Variants in ASB5 observed in about 807,000 individuals in gnomAD.
ASB5 encodes the protein ankyrin repeat and SOCS box containing 5, also known as ankyrin repeat and SOCS box protein 5.
In ASB5, 45 loss-of-function variants were observed where a neutral mutation model predicts 42.1. The observed-to-expected ratio is 1.07, with a 90% CI of 0.84 to 1.37. The LOEUF is 1.37. Ranked by LOEUF, ASB5 falls within the 40% of genes most tolerant of loss-of-function variation. The pLI is 0.00. For missense variants in ASB5, 402 were observed against 399.8 expected, an observed-to-expected ratio of 1.01 and a Z score of -0.05; for synonymous variants, 147 against 150.6, an observed-to-expected ratio of 0.98 and a Z score of 0.18.
intron 1 of ASB5, among the ~76,000 whole-genome samples, chr4:176,256,205 CT>C (rs1162577857): frequency 1.3e-5 from 2 of 152,150 alleles, no homozygotes; most frequent in Non-Finnish European, 2.9e-5. Flanking sequence ...AGATTCACAC[CT>C]GCCTACATCA....
At chr4:176,237,811 A>G (rs1055916813) in intron 1 of ASB5, among the ~76,000 whole-genome samples, 9 of 152,248 alleles carry the variant, frequency 5.9e-5, no homozygotes, top group African/African-American at 2.2e-4. Flanking sequence ...CTACAAATCA[A>G]TCAAATGTAA....
At chr4:176,218,049 T>C (rs1408979838) in intron 5 of ASB5, among the ~76,000 whole-genome samples, 1 of 150,362 alleles carries the variant, frequency 6.7e-6, no homozygotes, top group Non-Finnish European at 1.5e-5. Flanking sequence ...GCATAAACTT[T>C]GTTGGTTATG....
chr4:176,249,832 G>A (rs1330465716), intron 1 of ASB5, among the ~76,000 whole-genome samples: 2 of 152,016 alleles, frequency 1.3e-5, no homozygotes, highest in African/African-American at 4.8e-5. Flanking sequence ...TTGGGAGGCC[G>A]AGGCGGGTGG....
intron 1 of ASB5, among the ~76,000 whole-genome samples, chr4:176,267,478 G>A (rs1307109779): frequency 6.6e-6 from 1 of 152,012 alleles, no homozygotes; most frequent in Non-Finnish European, 1.5e-5. Flanking sequence ...AATAAAATTA[G>A]CCAGGCATGG....
At chr4:176,267,301 G>T (rs1754376379) in intron 1 of ASB5, among the ~76,000 whole-genome samples, 1 of 152,162 alleles carries the variant, frequency 6.6e-6, no homozygotes, top group African/African-American at 2.4e-5. Context: ...TTTATGTACA[G>T]ATTAATCACA....
intron 1 of ASB5, among the ~76,000 whole-genome samples, chr4:176,235,596 G>A (rs966631777): frequency 1.3e-5 from 2 of 152,094 alleles, no homozygotes; most frequent in Non-Finnish European, 2.9e-5. Context: ...ATCAAATGAT[G>A]TTTAGGTGGC....
At chr4:176,267,668 A>G (rs1267767868) in intron 1 of ASB5, among the ~76,000 whole-genome samples, 2 of 152,176 alleles carry the variant, frequency 1.3e-5, no homozygotes, top group Non-Finnish European at 2.9e-5. Flanking sequence ...CAGAGGTGGT[A>G]GGTAAAGGGT....
intron 1 of ASB5, among the ~76,000 whole-genome samples, chr4:176,239,270 T>G (rs1015116555): frequency 5.3e-5 from 8 of 152,212 alleles, no homozygotes; most frequent in Admixed American, 1.3e-4. Context: ...ACAGTAAAAG[T>G]AAATTTTAAT....
chr4:176,221,737 C>G (rs1408354864), intron 3 of ASB5, 137 bp from the exon 4 acceptor site: 2 of 831,454 alleles, frequency 2.4e-6, no homozygotes, highest in Non-Finnish European at 3.5e-6. Flanking sequence ...ACAAAGTATA[C>G]TTTGCTCTTA....
At chr4:176,256,171 A>T (rs1481164650) in intron 1 of ASB5, among the ~76,000 whole-genome samples, 1 of 152,138 alleles carries the variant, frequency 6.6e-6, no homozygotes, top group Non-Finnish European at 1.5e-5. Context: ...TGAGTAGTAA[A>T]AACTCATTTC....
intron 5 of ASB5, among the ~76,000 whole-genome samples, chr4:176,219,850 T>A (rs181951181): frequency 6.6e-6 from 1 of 151,528 alleles, no homozygotes; most frequent in African/African-American, 2.4e-5. Context: ...TACAGGCCCA[T>A]ATATTTTAAA....
rs1187639394 is a variant in ASB5 at position 176,216,931 on chromosome 4, T to C, written c.749A>G (p.Asn250Ser). ...ATCTGCTCCAAATTCTAGCAGTAAG[T>C]TTACAATTTCTGTGCTGGATTGTTG... is the stretch of plus-strand genomic sequence containing the variant. ...AAQQSSTEIV[N>S]LLLEFGADIN... Residue 250 changes from asparagine to serine, a missense_variant, in exon 6 of 7, where the codon AAC becomes AGC. Physicochemically the swap from Asn to Ser is conservative, Grantham distance 46. Transcript: ENST00000296525. The C allele has an allele frequency of 3.7e-6, 6 of 1,613,928 alleles. No homozygotes were observed. Among genetic ancestry groups the C allele is most frequent in the Non-Finnish European group, 5.1e-6 (6 of 1,179,958 alleles).
Position 176,214,656 on chromosome 4 carries a change from T to C in ASB5, c.*944A>G, listed in dbSNP as rs1014968864. 4 of 152,162 alleles carry C rather than the reference T, an allele frequency of 2.6e-5. No homozygotes were observed. Among genetic ancestry groups the C allele is most frequent in the Non-Finnish European group, 4.4e-5 (3 of 68,022 alleles). The allele number at this position is 152,162 out of a possible 1,614,324, so 9.4% of individuals were successfully genotyped here. On this transcript the variant is annotated 3_prime_UTR_variant, in exon 7 of 7. Coordinates refer to ENST00000296525, the MANE Select transcript of ASB5 (RefSeq NM_080874.4). The stretch of plus-strand genomic sequence containing the variant: ...AATGTGTTAAGTGGCACCCACTCTT[T>C]AAAAACTCCACAATTTGAGTTTTTA...
chr4:176,221,701 G>A (rs988032632), intron 3 of ASB5, 101 bp from the exon 4 acceptor site: 14 of 1,106,474 alleles, frequency 1.3e-5, no homozygotes, highest in African/African-American at 7.8e-5. Context: ...ACAGAAATAC[G>A]TAGGAAAATG....
chr4:176,249,511 G>A, intron 1 of ASB5: 1 of 151,988 alleles, frequency 6.6e-6, no homozygotes. Flanking sequence ...AGTCTTAGTG[G>A]GACTCTCTGC....
chr4:176,253,431 T>C (rs1754083777), intron 1 of ASB5, among the ~76,000 whole-genome samples: 1 of 152,212 alleles, frequency 6.6e-6, no homozygotes. Flanking sequence ...TTTTGAAAAA[T>C]AGTTCATACT....
At chr4:176,236,192 T>C (rs1238125047) in intron 1 of ASB5, among the ~76,000 whole-genome samples, 1 of 152,162 alleles carries the variant, frequency 6.6e-6, no homozygotes, top group Non-Finnish European at 1.5e-5. Context: ...TTTTTGCCAT[T>C]GACACAGTTC....
At chr4:176,245,341 A>G (rs1474523752) in intron 1 of ASB5, among the ~76,000 whole-genome samples, 3 of 152,168 alleles carry the variant, frequency 2.0e-5, no homozygotes, top group African/African-American at 7.2e-5. Flanking sequence ...TCAAAACCAC[A>G]ATGAGGTATC....
intron 1 of ASB5, among the ~76,000 whole-genome samples, chr4:176,276,180 A>T (rs1177163627): frequency 6.6e-6 from 1 of 152,188 alleles, no homozygotes; most frequent in African/African-American, 2.4e-5. Flanking sequence ...GGGAGGTTTA[A>T]ATGCAATAAT....
Sources: allele counts gnomAD v4.1 joint callset (sites outside exome capture counted in the v4.1 genomes callset), GRCh38; gene constraint gnomAD v4.1.1; transcripts MANE v1.5; gene names NCBI Gene and HGNC (gene_info 2026-07-23, HGNC 2026-07-21).